PTH2R: variants seen among roughly 807,000 people sequenced by gnomAD.
PTH2R encodes the protein PTH2 receptor.
Under a neutral mutation model 60.3 loss-of-function variants are expected in PTH2R, and 59 were observed. The observed-to-expected ratio is 0.98, with a 90% CI of 0.79 to 1.22. The LOEUF (loss-of-function observed/expected upper bound fraction) is 1.22. Among genes scored for constraint, PTH2R ranks in the 50% most tolerant of loss-of-function variants. The pLI, the probability that PTH2R is intolerant of heterozygous loss-of-function variation, is 0.00. For missense variants in PTH2R, 749 were observed against 682.6 expected, an observed-to-expected ratio of 1.10 and a Z score of -1.08; for synonymous variants, 256 against 243.8, an observed-to-expected ratio of 1.05 and a Z score of -0.47.
At chr2:208,373,068 A>G (rs1266137239) in intron 1 of PTH2R, among the ~76,000 whole-genome samples, 1 of 152,158 alleles carries the variant, frequency 6.6e-6, no homozygotes, top group Admixed American at 6.5e-5. Flanking sequence ...CATGGGTGAC[A>G]GAGTGAGACC....
chr2:208,395,351 T>G (rs1483232911), intron 1 of PTH2R, among the ~76,000 whole-genome samples: 4 of 152,100 alleles, frequency 2.6e-5, no homozygotes, highest in Admixed American at 2.6e-4. Context: ...CGGCCGAGTC[T>G]GATTTCTAAT....
chr2:208,478,411 A>G (rs1300918319), intron 9 of PTH2R, among the ~76,000 whole-genome samples: 1 of 152,072 alleles, frequency 6.6e-6, no homozygotes, highest in Admixed American at 6.6e-5. Flanking sequence ...CTGGCATTGC[A>G]TGACTCTTGG....
chr2:208,442,312 G>A, intron 4 of PTH2R, 52 bp from the exon 5 acceptor site: 1 of 1,308,506 alleles, frequency 7.6e-7, no homozygotes, highest in Non-Finnish European at 1.1e-6. Flanking sequence ...TTCTTTGCCA[G>A]TTTATTGGTA....
chr2:208,390,667 T>C (rs1304492960), intron 1 of PTH2R, among the ~76,000 whole-genome samples: 1 of 152,246 alleles, frequency 6.6e-6, no homozygotes, highest in Non-Finnish European at 1.5e-5. Context: ...AATGCTACAG[T>C]AATTGAGATT....
intron 9 of PTH2R, among the ~76,000 whole-genome samples, chr2:208,468,328 A>G (rs1702800088): frequency 6.6e-6 from 1 of 152,252 alleles, no homozygotes. Flanking sequence ...TAAGTGTTTT[A>G]TGTACATCAA....
At chr2:208,373,853 G>A (rs1305544323) in intron 1 of PTH2R, among the ~76,000 whole-genome samples, 1 of 152,008 alleles carries the variant, frequency 6.6e-6, no homozygotes, top group Non-Finnish European at 1.5e-5. Context: ...TTGAGGTGGA[G>A]GTTTAAGTTA....
chr2:208,422,562 A>G (rs917206688), intron 1 of PTH2R, among the ~76,000 whole-genome samples: 8 of 152,174 alleles, frequency 5.3e-5, no homozygotes, highest in African/African-American at 1.9e-4. Flanking sequence ...TATCTAAAAC[A>G]TTTTTATATA....
Position 208,459,978 on chromosome 2 carries a change from G to A in PTH2R, c.981+17G>A. Reference sequence around the variant, plus strand: ...GCTATTGGGGTAAGTTTAAAAGTTTGTATAGTTAAAAAAGGGATGAAAAAT... The same window carrying A: ...GCTATTGGGGTAAGTTTAAAAGTTTATATAGTTAAAAAAGGGATGAAAAAT... On this transcript the variant is annotated intron_variant, in intron 9 of 12. Coordinates refer to ENST00000272847, the MANE Select transcript of PTH2R (RefSeq NM_005048.4). 1.2e-6 allele frequency: 2 copies of A among 1,606,500 alleles called. No homozygotes were observed. The highest frequency in any genetic ancestry group is 8.5e-7 in the Non-Finnish European group (1 of 1,176,446).
intron 1 of PTH2R, among the ~76,000 whole-genome samples, chr2:208,376,332 A>G (rs1024900578): frequency 9.9e-5 from 15 of 152,164 alleles, no homozygotes; most frequent in African/African-American, 3.4e-4. Context: ...TCTTATCCAC[A>G]TTGTTATAGG....
chr2:208,377,818 G>A lies in PTH2R; in HGVS notation c.-259+17581G>A, dbSNP rs7582704. ...GCTTCCCGCATCTCAGACGATGGGC[G>A]GCCGGGCAGAGACGCTCCTCACTTC... On this transcript the variant is annotated intron_variant, in intron 1 of 12. Transcript: ENST00000617735. 9.9e-4 allele frequency among the ~76,000 whole-genome samples: 150 copies of A among 151,912 alleles called. 2 individuals are homozygous for A. The highest frequency in any genetic ancestry group is 3.4e-3 in the African/African-American group (140 of 41,336).
At chr2:208,422,130 G>A (rs1168428447) in intron 1 of PTH2R, among the ~76,000 whole-genome samples, 1 of 152,154 alleles carries the variant, frequency 6.6e-6, no homozygotes, top group Non-Finnish European at 1.5e-5. Flanking sequence ...GAGGGCTAGA[G>A]AAGATGAGAT....
intron 1 of PTH2R, among the ~76,000 whole-genome samples, chr2:208,364,256 C>G (rs1190933250): frequency 6.6e-6 from 1 of 151,794 alleles, no homozygotes; most frequent in Non-Finnish European, 1.5e-5. Flanking sequence ...TTTTGGTTGC[C>G]TGTGATTTTG....
chr2:208,481,545 T>C (rs538972698), intron 10 of PTH2R, among the ~76,000 whole-genome samples: 14 of 152,294 alleles, frequency 9.2e-5, no homozygotes, highest in African/African-American at 3.4e-4. Flanking sequence ...CAGATATAAA[T>C]TGATTTGAAA....
Position 208,449,952 on chromosome 2 carries a change from A to G in PTH2R, c.854-797A>G, listed in dbSNP as rs563547690. ...CCACTTTCATAAAGGCCACATAATG[A>G]AAAGTCATCTCTTAAGTCTTTCAGT... On this transcript the variant is annotated intron_variant, in intron 7 of 12. Transcript: ENST00000272847. Among the ~76,000 whole-genome samples, 17 of 152,324 alleles carry G rather than the reference A, an allele frequency of 1.1e-4. 1 individual carries two copies. Among genetic ancestry groups the G allele is most frequent in the African/African-American group, 4.1e-4 (17 of 41,574 alleles).
At chr2:208,415,825 G>C (rs1701629922) in intron 1 of PTH2R, among the ~76,000 whole-genome samples, 1 of 152,112 alleles carries the variant, frequency 6.6e-6, no homozygotes, top group Admixed American at 6.6e-5. Flanking sequence ...TTCAAAGTAA[G>C]GTTCTCATTT....
chr2:208,397,346 C>G (rs1440841364), intron 1 of PTH2R, among the ~76,000 whole-genome samples: 2 of 151,432 alleles, frequency 1.3e-5, no homozygotes, highest in East Asian at 1.9e-4. Flanking sequence ...AATGACAGAA[C>G]AGATTTTAAG....
chr2:208,378,017 C>G (rs948399231), intron 1 of PTH2R, among the ~76,000 whole-genome samples: 3 of 152,188 alleles, frequency 2.0e-5, no homozygotes, highest in South Asian at 4.1e-4. Flanking sequence ...GAGGCCAAGG[C>G]AGGCTGCTGG....
At chr2:208,447,131 T>G (rs1702302063) in intron 7 of PTH2R, among the ~76,000 whole-genome samples, 1 of 152,202 alleles carries the variant, frequency 6.6e-6, no homozygotes, top group African/African-American at 2.4e-5. Context: ...AAATGTTTTA[T>G]TATTTTATTT....
At chr2:208,452,930 A>G (rs1184980153) in intron 8 of PTH2R, among the ~76,000 whole-genome samples, 4 of 152,180 alleles carry the variant, frequency 2.6e-5, no homozygotes, top group Non-Finnish European at 5.9e-5. Flanking sequence ...CAGGCGGATG[A>G]GGTGTTTCTA....
Sources: gnomAD v4.1 joint callset for allele counts (sites outside exome capture counted in the v4.1 genomes callset) on GRCh38, gnomAD v4.1.1 for gene constraint, MANE v1.5 for transcripts, NCBI Gene and HGNC (gene_info 2026-07-23, HGNC 2026-07-21) for gene names.